The following NFIB variants were observed in gnomAD, a reference collection of about 807,000 sequenced individuals.
The protein encoded by NFIB is nuclear factor 1 B-type.
A neutral mutation model predicts 61.5 loss-of-function variants in NFIB; 11 were observed. The ratio of observed to expected loss-of-function variants is 0.18; its 90% CI spans 0.11 to 0.30. NFIB has a LOEUF of 0.30. Ranked by LOEUF, NFIB falls within the 10% of genes least tolerant of loss-of-function variation. The pLI is 1.00. For synonymous variants in NFIB, 260 were observed against 216.5 expected (o/e 1.20, Z -1.76); for missense variants, 471 against 608.9 (o/e 0.77, Z 2.38).
chr9:14,329,258 G>C (rs2060792233), intron 1 of NFIB, among the ~76,000 whole-genome samples: 1 of 152,178 alleles, frequency 6.6e-6, no homozygotes, highest in Admixed American at 6.5e-5. Flanking sequence ...GACACCTCCT[G>C]ACTCTAAACA....
intron 2 of NFIB, among the ~76,000 whole-genome samples, chr9:14,262,646 G>T (rs544126125): frequency 6.6e-6 from 1 of 152,308 alleles, no homozygotes; most frequent in African/African-American, 2.4e-5. Flanking sequence ...AGGGTTTTCT[G>T]AGATGCCTTC....
chr9:14,331,533 C>A (rs2060820570), intron 1 of NFIB, among the ~76,000 whole-genome samples: 1 of 152,188 alleles, frequency 6.6e-6, no homozygotes, highest in Admixed American at 6.5e-5. Flanking sequence ...ATTCAATACC[C>A]TGTGGGGATT....
chr9:14,155,438 A>G (rs2043287486), intron 4 of NFIB, among the ~76,000 whole-genome samples: 1 of 152,144 alleles, frequency 6.6e-6, no homozygotes, highest in South Asian at 2.1e-4. Flanking sequence ...ACCCCCACCA[A>G]AATGTTAGTA....
upstream of NFIB, among the ~76,000 whole-genome samples, chr9:14,399,925 T>G (rs1290740736): frequency 6.6e-6 from 1 of 152,136 alleles, no homozygotes; most frequent in Non-Finnish European, 1.5e-5. Flanking sequence ...CATCTCTCAA[T>G]GTTCAGATTC....
chr9:14,472,216 G>T, the NFIB span, among the ~76,000 whole-genome samples: 1 of 152,200 alleles, frequency 6.6e-6, no homozygotes, highest in East Asian at 1.9e-4. Context: ...ATTTAAGTGA[G>T]CACTAGCAAT....
intron 2 of NFIB, among the ~76,000 whole-genome samples, chr9:14,294,700 GACAA>G (rs1259303453): frequency 5.9e-5 from 9 of 152,140 alleles, no homozygotes; most frequent in African/African-American, 1.9e-4. Flanking sequence ...TTAACTAATG[GACAA>G]ACAGTGAAAT....
intron 2 of NFIB, among the ~76,000 whole-genome samples, chr9:14,245,738 T>C (rs2054849537): frequency 6.6e-6 from 1 of 152,022 alleles, no homozygotes; most frequent in Admixed American, 6.6e-5. Context: ...CAGGGCGTTG[T>C]AATGCACATC....
chr9:14,514,928 C>A, the NFIB span, among the ~76,000 whole-genome samples: 1 of 152,176 alleles, frequency 6.6e-6, no homozygotes, highest in Non-Finnish European at 1.5e-5. Context: ...TTGAGAACCA[C>A]TGGGCTAAGA....
intron 1 of NFIB, among the ~76,000 whole-genome samples, chr9:14,346,175 CTT>C (rs1001920645): frequency 3.3e-5 from 5 of 151,960 alleles, no homozygotes; most frequent in Non-Finnish European, 7.4e-5. Flanking sequence ...TGGAAAGAGA[CTT>C]GCGGTGGGCG....
At chr9:14,348,532 T>G (rs1291680206) in intron 1 of NFIB, among the ~76,000 whole-genome samples, 2 of 152,194 alleles carry the variant, frequency 1.3e-5, no homozygotes, top group East Asian at 1.9e-4. Flanking sequence ...TGTCAGTGCT[T>G]CGGCTCCAGT....
At chr9:14,388,530 A>T (rs1273974629) in intron 1 of NFIB, among the ~76,000 whole-genome samples, 3 of 151,740 alleles carry the variant, frequency 2.0e-5, no homozygotes, top group Non-Finnish European at 4.4e-5. Flanking sequence ...GGAGAGAGGG[A>T]AGGGAAGGAG....
In NFIB at chr9:14,372,088, T is replaced by C. The variant is rs555959215; in HGVS notation, c.108+26436A>G. Among the ~76,000 whole-genome samples, 12 of 151,660 alleles carry C rather than the reference T, an allele frequency of 7.9e-5. No individual in the cohort carries two copies. In the East Asian group the frequency reaches 1.9e-3, roughly 25 times the overall value. Reference sequence around the variant, plus strand: ...ATCCCAATCTCAGGTGCGCACCATCTGAATGTCAGCCCTGCCAAAACTGTT... The same window carrying C: ...ATCCCAATCTCAGGTGCGCACCATCCGAATGTCAGCCCTGCCAAAACTGTT... On this transcript the variant is annotated intron_variant, in intron 1 of 8. Coordinates refer to the NFIB transcript ENST00000380934.
At chr9:14,346,359 C>T (rs1395443656) in intron 1 of NFIB, among the ~76,000 whole-genome samples, 1 of 147,970 alleles carries the variant, frequency 6.8e-6, no homozygotes, top group Non-Finnish European at 1.5e-5. Flanking sequence ...GAACGTCGCT[C>T]CGGACGGGCG....
At chr9:14,514,374 C>T in the NFIB span, among the ~76,000 whole-genome samples, 2 of 150,638 alleles carry the variant, frequency 1.3e-5, no homozygotes, top group South Asian at 4.2e-4. Context: ...TGGGCATGCA[C>T]ACCCGCTTGG....
chr9:14,094,950 C>T (rs1053920656), intron 10 of NFIB, among the ~76,000 whole-genome samples: 1 of 151,950 alleles, frequency 6.6e-6, no homozygotes, highest in African/African-American at 2.4e-5. Flanking sequence ...TGAGTGCTAG[C>T]ACTTTCTAAG....
intron 2 of NFIB, among the ~76,000 whole-genome samples, chr9:14,266,297 A>T (rs535326358): frequency 5.9e-5 from 9 of 152,302 alleles, no homozygotes; most frequent in Non-Finnish European, 5.9e-5. Flanking sequence ...GCTTATTTAA[A>T]ATCCAAGTCT....
intron 2 of NFIB, 54 bp downstream of exon 2, chr9:14,306,935 G>A (rs943494690): frequency 2.1e-5 from 33 of 1,590,418 alleles, no homozygotes; most frequent in African/African-American, 1.2e-4. Context: ...CTCTGTCTAC[G>A]GAGATTTGTA....
At chr9:14,204,447 G>T in intron 2 of NFIB, 1 of 1,085,494 alleles carries the variant, frequency 9.2e-7, no homozygotes, top group East Asian at 2.4e-5. Context: ...CAGCGGCAGA[G>T]AGTCATCCTC....
intron 2 of NFIB, among the ~76,000 whole-genome samples, chr9:14,203,136 CT>C (rs1279413798): frequency 6.6e-6 from 1 of 151,494 alleles, no homozygotes; most frequent in Non-Finnish European, 1.5e-5. Context: ...CTCTTGCATG[CT>C]TTAGAAGCCA....
Sources: gnomAD v4.1 joint callset for allele counts (sites outside exome capture counted in the v4.1 genomes callset) on GRCh38, gnomAD v4.1.1 for gene constraint, MANE v1.5 for transcripts, NCBI Gene and HGNC (gene_info 2026-07-23, HGNC 2026-07-21) for gene names.